BAZ2B: variants seen among roughly 807,000 people sequenced by gnomAD.
BAZ2B encodes bromodomain adjacent to zinc finger domain 2B.
BAZ2B carries 91 observed loss-of-function variants against 246.0 expected under a neutral mutation model. The observed-to-expected ratio is 0.37, with a 90% confidence interval of 0.31 to 0.44. The LOEUF (loss-of-function observed/expected upper bound fraction) is 0.44. BAZ2B is among the 20% of genes least tolerant of loss of function. BAZ2B has a pLI of 1.00. For missense variants in BAZ2B, 2,332 were observed against 2,533.7 expected (o/e 0.92, Z 1.71); for synonymous variants, 855 against 860.0 (o/e 0.99, Z 0.10).
At chr2:159,638,078 G>C in the BAZ2B span, among the ~76,000 whole-genome samples, 8 of 152,078 alleles carry the variant, frequency 5.3e-5, no homozygotes, top group East Asian at 3.8e-4. Context: ...TCAGCACACA[G>C]AGAGAGAGAG....
chr2:159,553,489 C>A (rs1204609187), intron 2 of BAZ2B, among the ~76,000 whole-genome samples: 3 of 150,592 alleles, frequency 2.0e-5, no homozygotes, highest in South Asian at 2.1e-4. Context: ...GTTAGAAGGT[C>A]TGGATTTGAT....
intron 3 of BAZ2B, among the ~76,000 whole-genome samples, chr2:159,456,316 A>G (rs986351059): frequency 1.3e-5 from 2 of 152,102 alleles, no homozygotes; most frequent in East Asian, 3.8e-4. Flanking sequence ...TAAGTAATAC[A>G]TAATTGGTAG....
At chr2:159,598,906 G>A (rs1037988475) in intron 1 of BAZ2B, among the ~76,000 whole-genome samples, 1 of 152,096 alleles carries the variant, frequency 6.6e-6, no homozygotes, top group Non-Finnish European at 1.5e-5. Flanking sequence ...GGTGGCAAGA[G>A]TGAAACTCTG....
chr2:159,368,267 C>A (rs960901712), intron 27 of BAZ2B, among the ~76,000 whole-genome samples: 1 of 152,062 alleles, frequency 6.6e-6, no homozygotes, highest in Non-Finnish European at 1.5e-5. Flanking sequence ...TGCCCAGGCT[C>A]GTTGTGAACT....
chr2:159,461,771 A>C (rs2076430478), intron 3 of BAZ2B: 1 of 152,766 alleles, frequency 6.5e-6, no homozygotes, highest in African/African-American at 2.4e-5. Flanking sequence ...GTTCAAGTGC[A>C]GGGAATGTGG....
chr2:159,646,143 G>A, the BAZ2B span, among the ~76,000 whole-genome samples: 3 of 152,090 alleles, frequency 2.0e-5, no homozygotes, highest in African/African-American at 4.8e-5. Flanking sequence ...CATAGAAGAC[G>A]GCCACACCCA....
chr2:159,348,373 A>G (rs887960847), intron 30 of BAZ2B, among the ~76,000 whole-genome samples: 1 of 150,696 alleles, frequency 6.6e-6, no homozygotes, highest in Non-Finnish European at 1.5e-5. Context: ...TAATCTATGT[A>G]CATCCTCCCA....
At chr2:159,521,384 C>T (rs1046770849) in intron 2 of BAZ2B, among the ~76,000 whole-genome samples, 4 of 151,662 alleles carry the variant, frequency 2.6e-5, no homozygotes, top group African/African-American at 9.7e-5. Context: ...AAGAGTAAGC[C>T]AAAGACAGAT....
At chr2:159,490,900 C>A (rs567301515) in intron 2 of BAZ2B, among the ~76,000 whole-genome samples, 1 of 152,078 alleles carries the variant, frequency 6.6e-6, no homozygotes, top group South Asian at 2.1e-4. Context: ...TCTCCATTAA[C>A]GTAGGCAAGA....
At chr2:159,628,636 G>A in the BAZ2B span, among the ~76,000 whole-genome samples, 1 of 152,096 alleles carries the variant, frequency 6.6e-6, no homozygotes, top group East Asian at 1.9e-4. Context: ...ACTGAAACTG[G>A]ACCACTTCCT....
intron 2 of BAZ2B, among the ~76,000 whole-genome samples, chr2:159,550,823 C>T (rs2088074892): frequency 2.6e-5 from 4 of 151,362 alleles, no homozygotes; most frequent in Admixed American, 1.3e-4. Context: ...ATAAAATTAC[C>T]AAAGAGAAAA....
At chr2:159,588,513 AT>A (rs368428611) in intron 1 of BAZ2B, among the ~76,000 whole-genome samples, 37 of 152,178 alleles carry the variant, frequency 2.4e-4, no homozygotes, top group African/African-American at 8.9e-4. Context: ...ACAGAGTAAG[AT>A]CTACACACAC....
At chr2:159,624,216 C>T in the BAZ2B span, among the ~76,000 whole-genome samples, 1 of 152,218 alleles carries the variant, frequency 6.6e-6, no homozygotes, top group African/African-American at 2.4e-5. Flanking sequence ...TAGATATAAC[C>T]CCCAACTCCC....
chr2:159,583,873 T>C (rs1425041), intron 1 of BAZ2B, among the ~76,000 whole-genome samples: 140,482 of 152,160 alleles, frequency 0.92, 65,354 homozygotes, highest in East Asian at 1. Context: ...AAGAACAAGC[T>C]ATAAGGTTAT....
At chr2:159,422,068 A>G (rs1437151166) in intron 13 of BAZ2B, among the ~76,000 whole-genome samples, 1 of 152,228 alleles carries the variant, frequency 6.6e-6, no homozygotes, top group African/African-American at 2.4e-5. Flanking sequence ...CAAAAATTAC[A>G]AAACACTGCT....
chr2:159,689,856 G>T, the BAZ2B span: 1 of 469,510 alleles, frequency 2.1e-6, no homozygotes, highest in South Asian at 2.6e-5. Flanking sequence ...TGCTGGTACT[G>T]AGCATAAGAG....
chr2:159,640,468 A>T, the BAZ2B span, among the ~76,000 whole-genome samples: 1 of 152,096 alleles, frequency 6.6e-6, no homozygotes, highest in African/African-American at 2.4e-5. Context: ...AAATCTTAAA[A>T]CATTCAAAAA....
chr2:159,354,007 A>G (rs1439419178), intron 27 of BAZ2B, among the ~76,000 whole-genome samples: 2 of 151,102 alleles, frequency 1.3e-5, no homozygotes, highest in East Asian at 3.9e-4. Flanking sequence ...TGCAAAGAAG[A>G]AAAAAAAACA....
At chr2:159,491,348 G>A (rs1221458773) in intron 2 of BAZ2B, among the ~76,000 whole-genome samples, 3 of 152,098 alleles carry the variant, frequency 2.0e-5, no homozygotes, top group African/African-American at 4.8e-5. Flanking sequence ...AGTTTAACAC[G>A]TGCCTATCTG....
Sources: gnomAD v4.1 joint callset for allele counts (sites outside exome capture counted in the v4.1 genomes callset) on GRCh38, gnomAD v4.1.1 for gene constraint, MANE v1.5 for transcripts, NCBI Gene and HGNC (gene_info 2026-07-23, HGNC 2026-07-21) for gene names.